The following TNC variants were observed in gnomAD, a reference collection of about 807,000 sequenced individuals.
The protein encoded by TNC is tenascin C.
TNC carries 109 observed loss-of-function variants against 202.4 expected under a neutral mutation model. The observed-to-expected ratio is 0.54, with a 90% CI of 0.46 to 0.63. The LOEUF is 0.63. Among genes scored for constraint, TNC ranks in the 30% least tolerant of loss-of-function variants. The pLI is 0.00. For missense variants in TNC, 2,756 were observed against 2,833.3 expected (o/e 0.97, Z 0.62); for synonymous variants, 1,007 against 1,089.7 (o/e 0.92, Z 1.50).
At chr9:115,100,854 AAATTTT>A (rs1836176000) in intron 1 of TNC, among the ~76,000 whole-genome samples, 2 of 152,338 alleles carry the variant, frequency 1.3e-5, no homozygotes, top group Admixed American at 1.3e-4. Flanking sequence ...TAAATGTATA[AAATTTT>A]AATTTTAATT....
intron 27 of TNC, among the ~76,000 whole-genome samples, chr9:115,023,742 A>G (rs747043440): frequency 1.5e-4 from 23 of 152,184 alleles, no homozygotes; most frequent in Non-Finnish European, 2.8e-4. Flanking sequence ...TTTGGAATCC[A>G]TTTGACCAGT....
At chr9:115,073,462 A>C in intron 10 of TNC, 141 bp downstream of exon 10, 1 of 932,830 alleles carries the variant, frequency 1.1e-6, no homozygotes, top group Non-Finnish European at 1.6e-6. Flanking sequence ...AGCCCTTTCA[A>C]AGTGGTGTTC....
chr9:115,087,527 G>GGTGTGTGTGTGTGTGTGTGTGT (rs57327715), intron 2 of TNC, among the ~76,000 whole-genome samples: 2 of 148,734 alleles, frequency 1.3e-5, no homozygotes, highest in African/African-American at 5.0e-5. Flanking sequence ...TATGCATAGG[G>GGTGTGTGTGTGTGTGTGTGTGT]GTGTGTGTGT....
intron 1 of TNC, among the ~76,000 whole-genome samples, chr9:115,108,425 T>C (rs2134238764): frequency 6.6e-6 from 1 of 152,346 alleles, no homozygotes; most frequent in East Asian, 1.9e-4. Flanking sequence ...ACACTCAGAA[T>C]GAAATTCAAA....
At chr9:115,047,119 T>G (rs1831257697) in intron 16 of TNC, among the ~76,000 whole-genome samples, 2 of 152,178 alleles carry the variant, frequency 1.3e-5, no homozygotes, top group South Asian at 4.1e-4. Flanking sequence ...TCTGTAGAGC[T>G]GCTCATGATG....
chr9:115,085,750 G>T (rs556646759), intron 3 of TNC, 114 bp downstream of exon 3: 4 of 1,024,168 alleles, frequency 3.9e-6, no homozygotes, highest in Non-Finnish European at 5.6e-6. Flanking sequence ...ATATTAATAC[G>T]TACAAAGAAT....
intron 1 of TNC, among the ~76,000 whole-genome samples, chr9:115,095,457 T>C (rs190672737): frequency 6.9e-3 from 599 of 86,654 alleles, no homozygotes; most frequent in Middle Eastern, 0.012. Flanking sequence ...TATATATATA[T>C]GTATATATAT....
intron 22 of TNC, among the ~76,000 whole-genome samples, chr9:115,032,357 T>G (rs1830014979): frequency 6.6e-6 from 1 of 152,126 alleles, no homozygotes; most frequent in African/African-American, 2.4e-5. Context: ...AATGCTAAGC[T>G]TTGGAACTTG....
intron 1 of TNC, among the ~76,000 whole-genome samples, chr9:115,116,766 G>A (rs748320193): frequency 1.3e-5 from 2 of 152,050 alleles, no homozygotes; most frequent in South Asian, 2.1e-4. Context: ...CCAGCCCCGG[G>A]CTACTACCTT....
Position 115,081,143 on chromosome 9 carries a change from C to T in TNC, c.2404+629G>A, listed in dbSNP as rs145915938. ...ACTTACCCTGGCTTAAAGTTATGCCCCTGATGGTGTTAACTATGGGATGTT... is the reference window on the plus strand; with the variant it reads ...ACTTACCCTGGCTTAAAGTTATGCCTCTGATGGTGTTAACTATGGGATGTT... On this transcript the variant is annotated intron_variant, in intron 6 of 27. Transcript: ENST00000350763. Among the ~76,000 whole-genome samples the T allele has an allele frequency of 3.1e-4, 47 of 152,172 alleles. 1 individual carries two copies. In the East Asian group the frequency reaches 8.3e-3, roughly 27 times the overall value.
intron 1 of TNC, among the ~76,000 whole-genome samples, chr9:115,103,317 TCC>T (rs1836372991): frequency 2.0e-5 from 3 of 152,262 alleles, no homozygotes; most frequent in Non-Finnish European, 4.4e-5. Context: ...GAAGGAAGCA[TCC>T]TGGGTTATTA....
Position 115,041,428 on chromosome 9 carries a change from C to T in TNC, c.5249-344G>A, listed in dbSNP as rs139868513. 4.6e-5 allele frequency among the ~76,000 whole-genome samples: 7 copies of T among 152,204 alleles called. No individual in the cohort carries two copies. The East Asian group carries it at 1.4e-3, about 29-fold the overall frequency. The stretch of plus-strand genomic sequence containing the variant: ...CCCCACAAACAATATGGGAAGCTTA[C>T]TATGTAATGTATGTCAGATCTATTG... On this transcript the variant is annotated intron_variant, in intron 18 of 27. Transcript: ENST00000350763.
At chr9:115,057,031 A>G (rs1832175714) in intron 15 of TNC, 122 bp downstream of exon 15, 2 of 1,214,250 alleles carry the variant, frequency 1.6e-6, no homozygotes, top group Admixed American at 5.1e-5. Flanking sequence ...ACCCCAGCCT[A>G]GCACCATGGA....
intron 19 of TNC, among the ~76,000 whole-genome samples, chr9:115,039,272 C>T (rs900470897): frequency 2.6e-5 from 4 of 152,178 alleles, no homozygotes; most frequent in African/African-American, 7.2e-5. Flanking sequence ...AATTCATTTC[C>T]CTTCTCCAAA....
intron 15 of TNC, among the ~76,000 whole-genome samples, chr9:115,055,075 C>T (rs17241078): frequency 0.15 from 18,522 of 125,934 alleles, 1,087 homozygotes; most frequent in Middle Eastern, 0.27. Context: ...GACCAAGTCA[C>T]CAGAAATGGC....
At chr9:115,026,765 A>T (rs1829516997) in intron 25 of TNC, 70 bp from the exon 26 acceptor site, 1 of 1,524,904 alleles carries the variant, frequency 6.6e-7, no homozygotes, top group Non-Finnish European at 8.9e-7. Context: ...TTCACTCTGT[A>T]AAAGCGGCAA....
intron 10 of TNC, among the ~76,000 whole-genome samples, chr9:115,071,016 T>A (rs1436771851): frequency 6.6e-6 from 1 of 152,190 alleles, no homozygotes; most frequent in Non-Finnish European, 1.5e-5. Context: ...GGCTGCACCC[T>A]CTGTACCCTC....
At chr9:115,108,035 A>G (rs1019099231) in intron 1 of TNC, among the ~76,000 whole-genome samples, 2 of 152,218 alleles carry the variant, frequency 1.3e-5, no homozygotes, top group African/African-American at 4.8e-5. Context: ...ATGGGCTTCC[A>G]GAATCTGCTG....
rs201505515 is a variant in TNC at position 115,086,627 on chromosome 9, G to A, written c.1104C>T (p.Ala368=). The part of the protein sequence containing the change: ...EGQCVCDEGF[A]GVDCSEKRCP... ...ACCTCTTCTCGCTGCAGTCCACACC[G>A]GCAAAGCCCTCATCACATACACACT... The change falls in exon 3 of 28, where the codon GCC becomes GCT. Residue 368 remains alanine (A), a synonymous_variant. Coordinates refer to ENST00000350763, the MANE Select transcript of TNC (RefSeq NM_002160.4). 217 of 1,614,006 alleles carry A rather than the reference G, an allele frequency of 1.3e-4. No homozygotes were observed. The highest frequency in any genetic ancestry group is 8.2e-4 in the Middle Eastern group (5 of 6,062).
Sources: allele counts gnomAD v4.1 joint callset (sites outside exome capture counted in the v4.1 genomes callset), GRCh38; gene constraint gnomAD v4.1.1; transcripts MANE v1.5; gene names NCBI Gene and HGNC (gene_info 2026-07-23, HGNC 2026-07-21).